Variants in TTN observed in about 807,000 individuals in gnomAD.
TTN encodes the protein titin.
TTN carries 1,525 observed loss-of-function variants against 3,223.0 expected under a neutral mutation model. The ratio of observed to expected loss-of-function variants is 0.47; its 90% CI spans 0.45 to 0.49. TTN has a LOEUF of 0.49. Ranked by LOEUF, TTN falls within the 20% of genes least tolerant of loss-of-function variation. The probability of loss-of-function intolerance (pLI) is 0.00; values close to 1 mark genes in which losing one functional copy is unlikely to be tolerated. For synonymous variants in TTN, 14,094 were observed against 15,161.0 expected, an observed-to-expected ratio of 0.93 and a Z score of 5.17; for missense variants, 40,786 against 43,424.0, an observed-to-expected ratio of 0.94 and a Z score of 5.40.
chr2:178,709,770 C>T lies in TTN; in HGVS notation c.28549G>A (p.Val9517Met). 1 of 1,613,844 alleles carries T rather than the reference C, an allele frequency of 6.2e-7. No homozygotes were observed. Among genetic ancestry groups the T allele is most frequent in the Non-Finnish European group, 8.5e-7 (1 of 1,179,816 alleles). ...EGNSFKLEGR[V>M]AGSQPITVAW... is the part of the protein sequence containing the mutation. ...ACAGTTATAGGTTGGGAACCAGCCA[C>T]ACGTCCCTCAAGTTTGAAAGAATTC... The change falls in exon 99 of 363, where the codon GTG becomes ATG. Residue 9517 changes from valine to methionine, a missense_variant. Physicochemically the swap from Val to Met is conservative, Grantham distance 21 (BLOSUM62 1). Coordinates refer to ENST00000589042, the MANE Select transcript of TTN (RefSeq NM_001267550.2).
rs1191592327 is a variant in TTN at position 178,561,928 on chromosome 2, A to G, written c.84204T>C (p.Ser28068=). The change falls in exon 326 of 363, where the codon AGT becomes AGC. Residue 28068 remains serine (S), a synonymous_variant. Coordinates refer to ENST00000589042, the MANE Select transcript of TTN (RefSeq NM_001267550.2). The part of the protein sequence containing the change: ...PPGPIRIDEV[S]CDSITISWNP... Reference sequence around the variant, plus strand: ...TCCAAGAAATGGTTATGCTGTCACAACTAACCTCATCAATACGTATAGGAC... The same window carrying G: ...TCCAAGAAATGGTTATGCTGTCACAGCTAACCTCATCAATACGTATAGGAC... 2 of 1,613,434 alleles carry G rather than the reference A, an allele frequency of 1.2e-6. No individual in the cohort carries two copies. Among genetic ancestry groups the G allele is most frequent in the East Asian group, 2.2e-5 (1 of 44,760 alleles).
Position 178,776,875 on chromosome 2 carries a change from T to A in TTN, c.4989A>T (p.Pro1663=), listed in dbSNP as rs756408474. ...EPEPERKLII[P]RGTYRAKEIA... ...TCTCCTTTGCTCTATATGTCCCCCG[T>A]GGGATGATTAACTTTCTCTCTGGCT... The change falls in exon 28 of 363, where the codon CCA becomes CCT. Residue 1663 remains proline, a synonymous_variant. Coordinates refer to ENST00000589042, the MANE Select transcript of TTN (RefSeq NM_001267550.2). 2.5e-5 allele frequency: 40 copies of A among 1,613,096 alleles called. No homozygotes were observed. The highest frequency in any genetic ancestry group is 5.0e-5 in the Admixed American group (3 of 59,804).
At chr2:178,604,584 A>C in intron 281 of TTN, 124 bp downstream of exon 281, 2 of 1,119,214 alleles carry the variant, frequency 1.8e-6, no homozygotes, top group South Asian at 3.4e-5. Context: ...CTACAATAAC[A>C]AAATAACAGC....
intron 43 of TTN, among the ~76,000 whole-genome samples, chr2:178,763,852 G>A (rs965118477): frequency 6.6e-6 from 1 of 152,052 alleles, no homozygotes; most frequent in African/African-American, 2.4e-5. Context: ...TTTTGTCATT[G>A]TATTTTATCA....
At chr2:178,749,963 C>T in intron 47 of TTN, 1 of 1,613,176 alleles carries the variant, frequency 6.2e-7, no homozygotes, top group East Asian at 2.2e-5. Flanking sequence ...AAATACAAAT[C>T]TGTGTTTTGG....
At chr2:178,610,025 A>G in intron 271 of TTN, 39 bp from the exon 272 acceptor site, 3 of 1,610,254 alleles carry the variant, frequency 1.9e-6, no homozygotes, top group Non-Finnish European at 2.5e-6. Context: ...CAGGAAAACC[A>G]CCTTCTTAAA....
intron 80 of TTN, 52 bp from the exon 81 acceptor site, chr2:178,720,316 A>G (rs2078148739): frequency 6.3e-7 from 1 of 1,592,932 alleles, no homozygotes; most frequent in African/African-American, 1.3e-5. Context: ...TCATGGCCAC[A>G]CAAGTTATTA....
rs768069933 is a variant in TTN at position 178,558,181 on chromosome 2, G to C, written c.87173C>G (p.Ala29058Gly). The change falls in exon 328 of 363, where the codon GCT becomes GGT. Residue 29058 changes from alanine to glycine, a missense_variant. Ala to Gly is a moderately conservative substitution (Grantham distance 60). Transcript: ENST00000589042. ...NFPSHTVYVR[A>G]GSNLKVDIPI... ...AATGTCAACTTTAAGGTTTGAACCAGCTCTAACATATACAGTGTGACTTGG... is the reference window on the plus strand; with the variant it reads ...AATGTCAACTTTAAGGTTTGAACCACCTCTAACATATACAGTGTGACTTGG... The C allele has an allele frequency of 4.8e-5, 78 of 1,613,564 alleles. No individual in the cohort carries two copies. The highest frequency in any genetic ancestry group is 6.4e-5 in the Non-Finnish European group (75 of 1,179,824).
chr2:178,691,226 T>C (rs1014969946), intron 121 of TTN, among the ~76,000 whole-genome samples: 14 of 152,270 alleles, frequency 9.2e-5, no homozygotes, highest in Admixed American at 2.0e-4. Context: ...TTCTCCTAAA[T>C]TGGATAATGT....
chr2:178,541,453 T>C lies in TTN; in HGVS notation c.97624A>G (p.Arg32542Gly), dbSNP rs1559104048. The change falls in exon 350 of 363, where the codon AGA (arginine) becomes GGA (glycine). Residue 32542 changes from arginine (R) to glycine (G), a missense_variant. Transcript: ENST00000589042. ...TGYIVERKEV[R>G]ADRWVRVNKV... is the part of the protein sequence containing the mutation. ...TTTACACGGACCCATCGATCTGCTCTCACTTCTTTGCGCTCCACAATATAT... is the reference window on the plus strand; with the variant it reads ...TTTACACGGACCCATCGATCTGCTCCCACTTCTTTGCGCTCCACAATATAT... The C allele has an allele frequency of 6.2e-7, 1 of 1,613,526 alleles. No homozygotes were observed.
chr2:178,740,553 G>A lies in TTN; in HGVS notation c.12680C>T (p.Thr4227Ile), dbSNP rs777055785. 6.2e-7 allele frequency: 1 copy of A among 1,613,822 alleles called. No individual in the cohort carries two copies. Among genetic ancestry groups the A allele is most frequent in the South Asian group, 1.1e-5 (1 of 91,074 alleles). The change falls in exon 48 of 363, where the codon ACC becomes ATC. Residue 4227 changes from threonine (T) to isoleucine (I), a missense_variant. By Grantham distance (89) the Thr-to-Ile change is moderately conservative. Transcript: ENST00000589042. The stretch of plus-strand genomic sequence containing the variant: ...TGAAAGTACTTCCTCAGCCACAGAG[G>A]TTAGATAAGAATGCATTGGAGGTTC... ...SIEPPMHSYL[T>I]SVAEEVLSPK...
intron 294 of TTN, among the ~76,000 whole-genome samples, chr2:178,597,240 A>C (rs2051950787): frequency 6.6e-6 from 1 of 152,116 alleles, no homozygotes; most frequent in South Asian, 2.1e-4. Context: ...GCCTTCTAGC[A>C]ATTTGAGAAT....
chr2:178,605,796 T>C, intron 278 of TTN, 83 bp from the exon 279 acceptor site: 4 of 1,194,392 alleles, frequency 3.3e-6, no homozygotes, highest in Non-Finnish European at 4.4e-6. Context: ...CTTAATTATG[T>C]AAAAAATAGC....
chr2:178,565,468 T>C lies in TTN; in HGVS notation c.80664A>G (p.Thr26888=), dbSNP rs553118383. The change falls in exon 326 of 363, where the codon ACA becomes ACG. Residue 26888 remains threonine, a synonymous_variant. Transcript: ENST00000589042. ...IQPSLKLPFN[T]YSIQAGEDLK... ...GATCTTCTCCAGCTTGGATACTATA[T>C]GTGTTAAATGGTAACTTTAAACTAG... 12 of 1,613,300 alleles carry C rather than the reference T, an allele frequency of 7.4e-6. No homozygotes were observed. Among genetic ancestry groups the C allele is most frequent in the South Asian group, 4.4e-5 (4 of 91,040 alleles).
rs772898540 is a variant in TTN, at chr2:178,528,778, C to T, written c.106973G>A (p.Ser35658Asn). 1.9e-6 allele frequency: 3 copies of T among 1,612,566 alleles called. No homozygotes were observed. The highest frequency in any genetic ancestry group is 2.5e-6 in the Non-Finnish European group (3 of 1,178,824). ...SEEYRYGVSG[S>N]DQTLTIKQAS... ...TTGCTTGATGGTTAGGGTCTGATCG[C>T]TGCCTGAGACACCATATCGGTACTC... The change falls in exon 360 of 363, where the codon AGC becomes AAC. Residue 35658 changes from serine (S) to asparagine (N), a missense_variant. Physicochemically the swap from Ser to Asn is conservative, Grantham distance 46 (BLOSUM62 1). Coordinates refer to ENST00000589042, the MANE Select transcript of TTN (RefSeq NM_001267550.2).
intron 350 of TTN, among the ~76,000 whole-genome samples, chr2:178,540,623 G>T (rs1693952937): frequency 6.6e-6 from 1 of 151,884 alleles, no homozygotes; most frequent in Non-Finnish European, 1.5e-5. Context: ...TGGTGAAACC[G>T]CGTCTCTACT....
chr2:178,621,497 G>T lies in TTN; in HGVS notation c.45327C>A (p.Thr15109=), dbSNP rs376143828. 6.2e-7 allele frequency: 1 copy of T among 1,612,300 alleles called. No individual in the cohort carries two copies. Among genetic ancestry groups the T allele is most frequent in the Non-Finnish European group, 8.5e-7 (1 of 1,179,050 alleles). The part of the protein sequence containing the change: ...NYNCRLPSSR[T]DGKVKVHELA... ...TACCATGTACTTTGACTTTGCCATC[G>T]GTTCGAGAGCTTGGGAGTCGACAGT... Residue 15109 remains threonine (T), a synonymous_variant, in exon 245 of 363, where the codon ACC becomes ACA. Coordinates refer to ENST00000589042, the MANE Select transcript of TTN (RefSeq NM_001267550.2).
chr2:178,636,169 C>T lies in TTN; in HGVS notation c.41402G>A (p.Ser13801Asn), dbSNP rs757590541. 3 of 1,612,472 alleles carry T rather than the reference C, an allele frequency of 1.9e-6. No individual in the cohort carries two copies. Among genetic ancestry groups the T allele is most frequent in the East Asian group, 4.5e-5 (2 of 44,586 alleles). Residue 13801 changes from serine to asparagine, a missense_variant, in exon 226 of 363, where the codon AGC becomes AAC. Transcript: ENST00000589042. This position sits in a 1 kb window ranked among gnomAD's most constrained non-coding sequence, Gnocchi z 4.3. ...TVVKGQPLYLSCELNKERDVV... is the reference protein window; with the variant it reads ...TVVKGQPLYLNCELNKERDVV... ...GTCACGCTCTTTGTTTAACTCGCAG[C>T]TCAAGTACAATGGCTGTCCTTTGAC... is the stretch of plus-strand genomic sequence containing the variant.
rs1288750869 is a variant in TTN at position 178,604,063 on chromosome 2, C to T, written c.54624G>A (p.Glu18208=). ...ITGYWLEKRE[E]GSPYWSRVSR... ...TAACACGTGACCAATAAGGACTTCCCTCTTCTCTTTTCTCCAGCCAGTAGC... is the reference window on the plus strand; with the variant it reads ...TAACACGTGACCAATAAGGACTTCCTTCTTCTCTTTTCTCCAGCCAGTAGC... The change falls in exon 282 of 363, where the codon GAG becomes GAA. Residue 18208 remains glutamate (E), a synonymous_variant. Coordinates refer to ENST00000589042, the MANE Select transcript of TTN (RefSeq NM_001267550.2). 6.2e-7 allele frequency: 1 copy of T among 1,612,900 alleles called. No homozygotes were observed.
Sources: gnomAD v4.1 joint callset for allele counts (sites outside exome capture counted in the v4.1 genomes callset) on GRCh38, gnomAD v4.1.1 for gene constraint, Gnocchi (gnomAD v3.1) non-coding constraint, MANE v1.5 for transcripts, NCBI Gene and HGNC (gene_info 2026-07-23, HGNC 2026-07-21) for gene names.